UBASH3A: variants seen among roughly 807,000 people sequenced by gnomAD.
UBASH3A encodes the protein ubiquitin-associated and SH3 domain-containing protein A.
A neutral mutation model predicts 73.5 loss-of-function variants in UBASH3A; 63 were observed. That is an observed-to-expected ratio of 0.86 (90% CI 0.70 to 1.06). The LOEUF (loss-of-function observed/expected upper bound fraction) is 1.06, where lower values mean the gene tolerates loss of function less well. Among genes scored for constraint, UBASH3A ranks in the 50% least tolerant of loss-of-function variants. The pLI is 0.00. For synonymous variants in UBASH3A, 363 were observed against 351.1 expected, an observed-to-expected ratio of 1.03 and a Z score of -0.38; for missense variants, 860 against 859.0, an observed-to-expected ratio of 1.00 and a Z score of -0.02.
At chr21:42,433,443 A>G (rs2053571670) in intron 9 of UBASH3A, among the ~76,000 whole-genome samples, 1 of 151,928 alleles carries the variant, frequency 6.6e-6, no homozygotes, top group African/African-American at 2.4e-5. Context: ...CTCACCCCAT[A>G]TTCCACACAG....
intron 11 of UBASH3A, among the ~76,000 whole-genome samples, chr21:42,438,541 C>T (rs1053915720): frequency 6.6e-5 from 10 of 151,976 alleles, no homozygotes; most frequent in Non-Finnish European, 1.3e-4. Context: ...CAGCTTAGAC[C>T]GGGAGTAGGT....
chr21:42,440,205 C>T (rs577024032), intron 11 of UBASH3A, among the ~76,000 whole-genome samples: 1 of 152,330 alleles, frequency 6.6e-6, no homozygotes, highest in South Asian at 2.1e-4. Context: ...TTCGTGTTTT[C>T]AGGAAGGCCT....
rs1601605516 is a variant in UBASH3A, at chr21:42,442,703, C to A, written c.1631+107C>A. 7 of 1,253,922 alleles carry A rather than the reference C, an allele frequency of 5.6e-6. No homozygotes were observed. In the East Asian group the frequency reaches 1.2e-4, roughly 21 times the overall value. 77.7% of individuals were successfully genotyped at this position (1,253,922 alleles called of 1,614,324 possible). A position where few individuals can be genotyped will look rare whatever the true frequency, so the allele number is the denominator to read the frequency against. ...AAGAAAGACTTTATTCAAGAGGGAC[C>A]ACTGCAGTGGGGTTTTGCAGCAGGG... On this transcript the variant is annotated intron_variant, in intron 12 of 14. Transcript: ENST00000319294.
intron 5 of UBASH3A, among the ~76,000 whole-genome samples, chr21:42,415,554 C>T (rs1378104510): frequency 3.9e-5 from 6 of 152,208 alleles, no homozygotes; most frequent in African/African-American, 1.2e-4. Context: ...TTTGTAAGTG[C>T]CCTGCCGTGG....
At chr21:42,431,182 C>T (rs935604350) in intron 8 of UBASH3A, among the ~76,000 whole-genome samples, 1 of 152,252 alleles carries the variant, frequency 6.6e-6, no homozygotes, top group African/African-American at 2.4e-5. Context: ...AGTCCCTCAA[C>T]TTGATCAGCC....
chr21:42,426,586 C>T (rs1192403633), intron 7 of UBASH3A, 111 bp from the exon 8 acceptor site: 1 of 1,302,518 alleles, frequency 7.7e-7, no homozygotes, highest in South Asian at 1.4e-5. Context: ...GGGAACCTTT[C>T]TGCTGAGGTT....
Position 42,404,728 on chromosome 21 carries a change from C to T in UBASH3A, c.113+670C>T, listed in dbSNP as rs73372259. 9.1e-3 allele frequency among the ~76,000 whole-genome samples: 1,385 copies of T among 152,276 alleles called. 22 individuals are homozygous for T. Among genetic ancestry groups the T allele is most frequent in the African/African-American group, 0.03 (1,245 of 41,548 alleles). ...CAGCAGGGCTGTGCTTCCACGCTGC[C>T]CGGGGAAAGTCACTTGTCCTCAGAG... On this transcript the variant is annotated intron_variant, in intron 1 of 14. Transcript: ENST00000319294.
At chr21:42,443,960 A>G (rs2146612914) in intron 13 of UBASH3A, among the ~76,000 whole-genome samples, 1 of 152,182 alleles carries the variant, frequency 6.6e-6, no homozygotes, top group South Asian at 2.1e-4. Flanking sequence ...AGAACAACCA[A>G]CTTCCAGGTG....
intron 14 of UBASH3A, among the ~76,000 whole-genome samples, chr21:42,445,528 C>G (rs2053829418): frequency 6.6e-6 from 1 of 152,186 alleles, no homozygotes; most frequent in African/African-American, 2.4e-5. Flanking sequence ...TTCAGAGGAG[C>G]CCAACTCCCG....
At chr21:42,425,510 GA>G (rs756930486) in intron 7 of UBASH3A, among the ~76,000 whole-genome samples, 2 of 152,234 alleles carry the variant, frequency 1.3e-5, no homozygotes, top group Non-Finnish European at 2.9e-5. Flanking sequence ...ATTTGAAGAG[GA>G]AACTGTCGAT....
intron 13 of UBASH3A, among the ~76,000 whole-genome samples, chr21:42,443,911 G>C (rs544778940): frequency 6.6e-6 from 1 of 152,338 alleles, no homozygotes; most frequent in East Asian, 1.9e-4. Flanking sequence ...CAAGGGATTT[G>C]AGTCAGCTTC....
Position 42,442,541 on chromosome 21 carries a change from C to T in UBASH3A, c.1576C>T (p.Leu526Phe). ...KWEAGKTTPT[L>F]MSLEELKEAN... Reference sequence around the variant, plus strand: ...GGAAGCTGGCAAAACCACCCCAACCCTCATGAGCCTGGAAGAGCTGAAAGA... The same window carrying T: ...GGAAGCTGGCAAAACCACCCCAACCTTCATGAGCCTGGAAGAGCTGAAAGA... The change falls in exon 12 of 15, where the codon CTC becomes TTC. Residue 526 changes from leucine (L) to phenylalanine (F), a missense_variant. By Grantham distance (22) the Leu-to-Phe change is conservative (BLOSUM62 0). Coordinates refer to ENST00000319294, the MANE Select transcript of UBASH3A (RefSeq NM_018961.4). 1 of 1,614,168 alleles carries T rather than the reference C, an allele frequency of 6.2e-7. No homozygotes were observed. Among genetic ancestry groups the T allele is most frequent in the Non-Finnish European group, 8.5e-7 (1 of 1,180,036 alleles).
chr21:42,419,696 G>A (rs765306207), intron 7 of UBASH3A, among the ~76,000 whole-genome samples: 14 of 152,144 alleles, frequency 9.2e-5, no homozygotes, highest in Non-Finnish European at 1.6e-4. Context: ...AGTTCAGAAG[G>A]TTTCCAACTT....
intron 11 of UBASH3A, among the ~76,000 whole-genome samples, chr21:42,440,483 G>A (rs2053722225): frequency 6.6e-6 from 1 of 152,200 alleles, no homozygotes; most frequent in Non-Finnish European, 1.5e-5. Flanking sequence ...TGACAAGAGG[G>A]GAACAGGCCT....
At chr21:42,430,821 T>C (rs1458427094) in intron 8 of UBASH3A, among the ~76,000 whole-genome samples, 2 of 152,020 alleles carry the variant, frequency 1.3e-5, no homozygotes, top group Admixed American at 6.5e-5. Flanking sequence ...CACAGGGAGG[T>C]TGAGGCATGA....
At position 42,413,679 on chromosome 21, in the gene UBASH3A, G is replaced by A. The variant is rs1343813455; in HGVS notation, c.667+156G>A. On this transcript the variant is annotated intron_variant, in intron 5 of 14. Coordinates refer to ENST00000319294, the MANE Select transcript of UBASH3A (RefSeq NM_018961.4). This position sits in a 1 kb window ranked among gnomAD's most constrained non-coding sequence, Gnocchi z 4.5. ...TGCCAAGCATCAAGCCTGAGTGGGT[G>A]ACTGTGACGGGGTTGGAGGCTGGTG... Among the ~76,000 whole-genome samples the A allele has an allele frequency of 6.6e-6, 1 of 152,184 alleles. No individual in the cohort carries two copies. The highest frequency in any genetic ancestry group is 2.4e-5 in the African/African-American group (1 of 41,442).
intron 3 of UBASH3A, among the ~76,000 whole-genome samples, chr21:42,412,032 A>G (rs2053108894): frequency 6.6e-6 from 1 of 152,226 alleles, no homozygotes. Context: ...TTCCGAGGGC[A>G]GCCCGGTGCT....
chr21:42,410,748 C>G (rs2053073839), intron 3 of UBASH3A, among the ~76,000 whole-genome samples: 1 of 152,084 alleles, frequency 6.6e-6, no homozygotes, highest in South Asian at 2.1e-4. Flanking sequence ...CCTTGGCCCC[C>G]CACTCCTTCC....
chr21:42,417,857 CTCTTTTTTTTTTCTTTTTT>C (rs947718055), intron 6 of UBASH3A, among the ~76,000 whole-genome samples: 1 of 141,970 alleles, frequency 7.0e-6, no homozygotes, highest in Non-Finnish European at 1.5e-5. Context: ...CAAAATGTAT[CTCTTTTTTTTTTCTTTTTT>C]TCTTTTTTTT....
Sources: allele counts gnomAD v4.1 joint callset (sites outside exome capture counted in the v4.1 genomes callset), GRCh38; gene constraint gnomAD v4.1.1; non-coding constraint Gnocchi (gnomAD v3.1); transcripts MANE v1.5; gene names NCBI Gene and HGNC (gene_info 2026-07-23, HGNC 2026-07-21).